RAB38: variants seen among roughly 807,000 people sequenced by gnomAD.
RAB38 encodes the protein ras-related protein Rab-38.
A neutral mutation model predicts 18.4 loss-of-function variants in RAB38; 15 were observed. The observed-to-expected ratio is 0.82, with a 90% CI of 0.55 to 1.26. RAB38 has a LOEUF of 1.26. Ranked by LOEUF, RAB38 falls within the 50% of genes most tolerant of loss-of-function variation. The pLI is 0.00. For synonymous variants in RAB38, 101 were observed against 104.4 expected (o/e 0.97, Z 0.20); for missense variants, 294 against 267.4 (o/e 1.10, Z -0.69).
the RAB38 span, among the ~76,000 whole-genome samples, chr11:87,957,579 T>A: frequency 5.3e-5 from 8 of 152,166 alleles, 1 homozygote; most frequent in South Asian, 1.7e-3. Flanking sequence ...GGCCTACTTG[T>A]TCAGATTATT....
At chr11:88,135,163 G>T (rs1400893578) in intron 2 of RAB38, among the ~76,000 whole-genome samples, 1 of 152,072 alleles carries the variant, frequency 6.6e-6, no homozygotes, top group East Asian at 1.9e-4. Context: ...GTCTAAAACT[G>T]CTTACTTCTC....
the RAB38 span, among the ~76,000 whole-genome samples, chr11:87,878,222 T>TATATATACACAC: frequency 1.6e-3 from 187 of 116,206 alleles, 17 homozygotes; most frequent in African/African-American, 7.8e-3. Flanking sequence ...TATATATATA[T>TATATATACACAC]ACACACATAT....
chr11:87,937,875 T>TG, the RAB38 span, among the ~76,000 whole-genome samples: 1 of 81,658 alleles, frequency 1.2e-5, no homozygotes, highest in African/African-American at 5.1e-5. Context: ...GAAGTGTTTT[T>TG]TTTTTTTTTT....
the RAB38 span, among the ~76,000 whole-genome samples, chr11:88,057,982 C>T: frequency 7.2e-5 from 11 of 152,224 alleles, 1 homozygote; most frequent in South Asian, 1.5e-3. Context: ...GGTACTTACC[C>T]GCAGCGCAAG....
At chr11:87,806,390 A>G in the RAB38 span, among the ~76,000 whole-genome samples, 2 of 152,114 alleles carry the variant, frequency 1.3e-5, no homozygotes, top group Non-Finnish European at 2.9e-5. Flanking sequence ...CATACGATGA[A>G]AGAGCTCCCT....
At chr11:87,804,169 A>G in the RAB38 span, among the ~76,000 whole-genome samples, 5 of 152,266 alleles carry the variant, frequency 3.3e-5, no homozygotes, top group East Asian at 9.6e-4. Flanking sequence ...GCAGACATTT[A>G]TTTGTCTTCT....
the RAB38 span, among the ~76,000 whole-genome samples, chr11:87,966,699 C>T: frequency 1.2e-4 from 18 of 152,266 alleles, no homozygotes; most frequent in African/African-American, 4.1e-4. Context: ...AAACAAAAAA[C>T]CTTTTCTCCA....
At chr11:88,104,864 C>G in the RAB38 span, among the ~76,000 whole-genome samples, 1 of 152,026 alleles carries the variant, frequency 6.6e-6, no homozygotes, top group Non-Finnish European at 1.5e-5. Flanking sequence ...GAGAATAGCT[C>G]AATATCACTC....
intron 2 of RAB38, among the ~76,000 whole-genome samples, chr11:88,123,006 A>G (rs571577039): frequency 6.6e-6 from 1 of 152,222 alleles, no homozygotes; most frequent in Non-Finnish European, 1.5e-5. Flanking sequence ...GCCAATCGTC[A>G]CTATATTTCA....
the RAB38 span, among the ~76,000 whole-genome samples, chr11:87,964,015 C>G: frequency 6.6e-6 from 1 of 152,092 alleles, no homozygotes; most frequent in African/African-American, 2.4e-5. Context: ...GAAAAACACA[C>G]AAAAATCAAA....
intron 1 of RAB38, among the ~76,000 whole-genome samples, chr11:88,161,234 C>T (rs1024993906): frequency 3.9e-5 from 6 of 152,064 alleles, no homozygotes; most frequent in Non-Finnish European, 7.4e-5. Flanking sequence ...CTTTTTAAAA[C>T]GCATCCTAAA....
the RAB38 span, among the ~76,000 whole-genome samples, chr11:88,089,998 G>C: frequency 6.6e-6 from 1 of 151,840 alleles, no homozygotes; most frequent in East Asian, 1.9e-4. Flanking sequence ...CTCAGAACTG[G>C]GGGACTATAA....
intron 2 of RAB38, among the ~76,000 whole-genome samples, chr11:88,124,989 G>A (rs1257944565): frequency 6.6e-6 from 1 of 152,188 alleles, no homozygotes; most frequent in Non-Finnish European, 1.5e-5. Context: ...CTTATGCTTA[G>A]AGATGATGAT....
intron 2 of RAB38, among the ~76,000 whole-genome samples, chr11:88,148,299 A>G (rs1230688492): frequency 1.3e-5 from 2 of 152,224 alleles, no homozygotes; most frequent in African/African-American, 2.4e-5. Flanking sequence ...ACTGTGACAG[A>G]AAAAGTGGCA....
chr11:88,140,946 T>C (rs1942904434), intron 2 of RAB38, among the ~76,000 whole-genome samples: 1 of 152,150 alleles, frequency 6.6e-6, no homozygotes, highest in African/African-American at 2.4e-5. Context: ...TGAGGAGTTC[T>C]CTGAGTGATA....
At chr11:87,976,105 T>A in the RAB38 span, among the ~76,000 whole-genome samples, 1 of 149,026 alleles carries the variant, frequency 6.7e-6, no homozygotes, top group Non-Finnish European at 1.5e-5. Flanking sequence ...TATGTACATA[T>A]ATGTGTGCGT....
chr11:87,933,614 C>A, the RAB38 span, among the ~76,000 whole-genome samples: 1 of 151,620 alleles, frequency 6.6e-6, no homozygotes, highest in African/African-American at 2.4e-5. Flanking sequence ...TGAAGTAGCT[C>A]TGAGGAAACA....
At chr11:88,025,779 G>T in the RAB38 span, among the ~76,000 whole-genome samples, 1 of 152,080 alleles carries the variant, frequency 6.6e-6, no homozygotes, top group African/African-American at 2.4e-5. Context: ...TTAGACATTT[G>T]TCAGATGCAT....
At chr11:87,931,880 G>A in the RAB38 span, among the ~76,000 whole-genome samples, 1 of 151,690 alleles carries the variant, frequency 6.6e-6, no homozygotes, top group South Asian at 2.1e-4. Context: ...TCCATTTACT[G>A]TAAGCAGAAG....
Sources: allele counts gnomAD v4.1 joint callset (sites outside exome capture counted in the v4.1 genomes callset), GRCh38; gene constraint gnomAD v4.1.1; transcripts MANE v1.5; gene names NCBI Gene and HGNC (gene_info 2026-07-23, HGNC 2026-07-21).